KIF13A: variants seen among roughly 807,000 people sequenced by gnomAD.
KIF13A encodes the protein kinesin-like protein KIF13A.
In KIF13A, 79 loss-of-function variants were observed where a neutral mutation model predicts 212.2. The ratio of observed to expected loss-of-function variants is 0.37; its 90% CI spans 0.31 to 0.45. The LOEUF (loss-of-function observed/expected upper bound fraction) is 0.45. Among genes scored for constraint, KIF13A ranks in the 20% least tolerant of loss-of-function variants. The pLI is 1.00. For synonymous variants in KIF13A, 789 were observed against 808.6 expected, an observed-to-expected ratio of 0.98 and a Z score of 0.41; for missense variants, 1,901 against 2,209.0, an observed-to-expected ratio of 0.86 and a Z score of 2.79.
At chr6:17,846,044 T>TG (rs1767011463) in intron 9 of KIF13A, among the ~76,000 whole-genome samples, 1 of 133,814 alleles carries the variant, frequency 7.5e-6, no homozygotes, top group South Asian at 2.4e-4. Flanking sequence ...ACTCAACCTT[T>TG]TTTTTTTTTT....
Position 17,805,433 on chromosome 6 carries a change from T to C in KIF13A, c.2304+42A>G, listed in dbSNP as rs1202980955. On this transcript the variant is annotated intron_variant, in intron 19 of 38. Coordinates refer to ENST00000259711, the MANE Select transcript of KIF13A (RefSeq NM_022113.6). Reference sequence around the variant, plus strand: ...TTGCTAAATCGCTTATATTCTCTGTTTTTAACATAACAAAATCTCCATTAC... The same window carrying C: ...TTGCTAAATCGCTTATATTCTCTGTCTTTAACATAACAAAATCTCCATTAC... 5.1e-6 allele frequency: 8 copies of C among 1,582,684 alleles called. No individual in the cohort carries two copies. In the South Asian group the frequency reaches 8.9e-5, roughly 18 times the overall value.
At chr6:17,921,448 A>G (rs562776142) in intron 2 of KIF13A, among the ~76,000 whole-genome samples, 46 of 152,352 alleles carry the variant, frequency 3.0e-4, no homozygotes, top group Non-Finnish European at 5.4e-4. Context: ...CTACTTTTAA[A>G]AATGTCAGAG....
rs73373184 is a variant in KIF13A, at chr6:17,964,403, T to C, written c.146+22651A>G. ...AATCTTGTCTGTGGTTCTCAAAGGT[T>C]GACATCAAGTAATTGTACTTTATTC... is the stretch of plus-strand genomic sequence containing the variant. On this transcript the variant is annotated intron_variant, in intron 2 of 38. Transcript: ENST00000259711. 6.9e-3 allele frequency among the ~76,000 whole-genome samples: 1,056 copies of C among 152,260 alleles called. 10 individuals carry two copies. Among genetic ancestry groups the C allele is most frequent in the African/African-American group, 0.024 (993 of 41,556 alleles).
intron 9 of KIF13A, among the ~76,000 whole-genome samples, chr6:17,840,119 TG>T (rs1766368816): frequency 6.6e-6 from 1 of 152,140 alleles, no homozygotes. Context: ...AGGTTTCTTT[TG>T]GGTATGATGA....
At chr6:17,937,274 T>C (rs1338455516) in intron 2 of KIF13A, among the ~76,000 whole-genome samples, 1 of 152,192 alleles carries the variant, frequency 6.6e-6, no homozygotes, top group Non-Finnish European at 1.5e-5. Flanking sequence ...CAACAGACCA[T>C]TGGAAGTCTC....
chr6:17,985,948 A>G (rs753619880), intron 2 of KIF13A, among the ~76,000 whole-genome samples: 8 of 152,220 alleles, frequency 5.3e-5, no homozygotes, highest in Non-Finnish European at 1.2e-4. Flanking sequence ...AAAAGCAAAG[A>G]ATCCCCAATC....
In KIF13A at chr6:17,921,662, A is replaced by G. The variant is rs371513828; in HGVS notation, c.147-23482T>C. Among the ~76,000 whole-genome samples the G allele has an allele frequency of 3.9e-5, 6 of 152,260 alleles. No homozygotes were observed. The South Asian group carries it at 1.2e-3, about 32-fold the overall frequency. On this transcript the variant is annotated intron_variant, in intron 2 of 38. Transcript: ENST00000259711. ...AGAACAGAACATCTGCCAATAACTG[A>G]TGAGAATCAAGGTGGGGAGAGAGGA...
rs1219491356 is a variant in KIF13A, at chr6:17,799,294, TG to T, written c.2761del (p.Gln921SerfsTer4). 1 of 1,610,796 alleles carries T rather than the reference TG, an allele frequency of 6.2e-7. No individual in the cohort carries two copies. Among genetic ancestry groups the T allele is most frequent in the Non-Finnish European group, 8.5e-7 (1 of 1,178,606 alleles). On this transcript the variant is annotated frameshift_variant, in exon 22 of 39. Transcript: ENST00000259711. LOFTEE classifies it high-confidence loss of function. This position sits in a 1 kb window ranked among gnomAD's most constrained non-coding sequence, Gnocchi z 4.4. ...ACAGTGGGAGAAGGTCACTGTGTACTGGGCATCCTTGGACTGTGGTGAAGGC... is the reference window on the plus strand; with the variant it reads ...ACAGTGGGAGAAGGTCACTGTGTACTGGCATCCTTGGACTGTGGTGAAGGC... ...EVPSPQSKDA[Q>X]YTVTFSHCKD...
At chr6:17,760,997 C>A, downstream of KIF13A, 1 of 936,368 alleles carries the variant, frequency 1.1e-6, no homozygotes, top group East Asian at 2.6e-5. Context: ...CTGAAGGGAC[C>A]CACAGGATTG....
chr6:17,831,779 T>C (rs937397005), intron 12 of KIF13A, among the ~76,000 whole-genome samples: 3 of 149,820 alleles, frequency 2.0e-5, no homozygotes, highest in African/African-American at 7.4e-5. Context: ...GAGTTAAGGC[T>C]GGAAGAGAAG....
chr6:17,892,522 C>G lies in KIF13A; in HGVS notation c.159+5646G>C, dbSNP rs1041860396. On this transcript the variant is annotated intron_variant, in intron 3 of 38. Coordinates refer to ENST00000259711, the MANE Select transcript of KIF13A (RefSeq NM_022113.6). This position sits in a 1 kb window ranked among gnomAD's most constrained non-coding sequence, Gnocchi z 4.7. ...CAGTGATAAGAGTGTCTTTTGTATGCTAATGAGATGACTGGTGGCTGGGGT... is the reference window on the plus strand; with the variant it reads ...CAGTGATAAGAGTGTCTTTTGTATGGTAATGAGATGACTGGTGGCTGGGGT... 6.6e-6 allele frequency among the ~76,000 whole-genome samples: 1 copy of G among 152,172 alleles called. No homozygotes were observed. Among genetic ancestry groups the G allele is most frequent in the Non-Finnish European group, 1.5e-5 (1 of 68,040 alleles).
At position 17,951,109 on chromosome 6, in the gene KIF13A, C is replaced by A; in HGVS notation, c.146+35945G>T. 1.7e-6 allele frequency: 2 copies of A among 1,159,600 alleles called. No homozygotes were observed. Among genetic ancestry groups the A allele is most frequent in the Non-Finnish European group, 2.1e-6 (2 of 943,502 alleles). 71.8% of individuals were successfully genotyped at this position (1,159,600 alleles called of 1,614,324 possible). ...TATATATAACACTTTGCCAACCATC[C>A]ATTTATTCATATGTGGGGTCTGATG... On this transcript the variant is annotated intron_variant, in intron 2 of 38. Coordinates refer to ENST00000259711, the MANE Select transcript of KIF13A (RefSeq NM_022113.6). This position sits in a 1 kb window ranked among gnomAD's most constrained non-coding sequence, Gnocchi z 4.9.
At chr6:17,975,815 T>C (rs966461054) in intron 2 of KIF13A, among the ~76,000 whole-genome samples, 3 of 152,044 alleles carry the variant, frequency 2.0e-5, no homozygotes, top group South Asian at 2.1e-4. Context: ...AGAGTGTCAA[T>C]TGGTGCATTC....
rs115251724 is a variant in KIF13A at position 17,872,799 on chromosome 6, A to G, written c.220+578T>C. ...TACAGGCGCCCACCACCACACCTGA[A>G]TAAGTTTTGTATGTTTAGTAGAGAC... is the stretch of plus-strand genomic sequence containing the variant. On this transcript the variant is annotated intron_variant, in intron 4 of 38. Coordinates refer to ENST00000259711, the MANE Select transcript of KIF13A (RefSeq NM_022113.6). The surrounding 1 kb of genome is among the most constrained non-coding windows in gnomAD (Gnocchi z 4.7). Among the ~76,000 whole-genome samples the G allele has an allele frequency of 0.018, 2,696 of 152,076 alleles. 92 individuals are homozygous for G. The highest frequency in any genetic ancestry group is 0.061 in the African/African-American group (2,524 of 41,480).
intron 16 of KIF13A, among the ~76,000 whole-genome samples, chr6:17,821,042 G>A (rs1193324966): frequency 6.6e-6 from 1 of 152,152 alleles, no homozygotes; most frequent in Non-Finnish European, 1.5e-5. Flanking sequence ...AAAATGTTTT[G>A]TAGAGATGAA....
In KIF13A at chr6:17,828,307, G is replaced by A. The variant is rs754379361; in HGVS notation, c.1465C>T (p.Pro489Ser). 14 of 1,610,650 alleles carry A rather than the reference G, an allele frequency of 8.7e-6. No individual in the cohort carries two copies. The South Asian group carries it at 1.3e-4, about 15-fold the overall frequency. ...DIQLFGIGIQ[P>S]QHCEIDIASD... ...GCAATGTCAATCTCACAGTGCTGAGGCTGAATTCCTATGCCAAAAAGCTGG... is the reference window on the plus strand; with the variant it reads ...GCAATGTCAATCTCACAGTGCTGAGACTGAATTCCTATGCCAAAAAGCTGG... Residue 489 changes from proline (P) to serine (S), a missense_variant, in exon 14 of 39, where the codon CCT becomes TCT. Transcript: ENST00000259711. The surrounding 1 kb of genome is among the most constrained non-coding windows in gnomAD (Gnocchi z 4.3).
intron 2 of KIF13A, among the ~76,000 whole-genome samples, chr6:17,920,591 C>A (rs901277032): frequency 1.3e-5 from 2 of 152,070 alleles, no homozygotes; most frequent in African/African-American, 4.8e-5. Flanking sequence ...AAGTAATATG[C>A]GGCTGGGTGC....
chr6:17,893,622 A>G (rs1400438237), intron 3 of KIF13A, among the ~76,000 whole-genome samples: 1 of 152,088 alleles, frequency 6.6e-6, no homozygotes, highest in Admixed American at 6.5e-5. Context: ...GTCAATGCAC[A>G]ATATAAGTGG....
intron 26 of KIF13A, among the ~76,000 whole-genome samples, chr6:17,788,235 C>T (rs1355839959): frequency 6.6e-6 from 1 of 152,154 alleles, no homozygotes; most frequent in Admixed American, 6.5e-5. Flanking sequence ...ACAGCATGAA[C>T]AGAGCCCAAA....
Sources: gnomAD v4.1 joint callset for allele counts (sites outside exome capture counted in the v4.1 genomes callset) on GRCh38, gnomAD v4.1.1 for gene constraint, Gnocchi (gnomAD v3.1) non-coding constraint, MANE v1.5 for transcripts, NCBI Gene and HGNC (gene_info 2026-07-23, HGNC 2026-07-21) for gene names.